Variants in PDE11A observed in about 807,000 individuals in gnomAD.
The protein encoded by PDE11A is phosphodiesterase 11A.
Under a neutral mutation model 100.5 loss-of-function variants are expected in PDE11A, and 100 were observed. That is an observed-to-expected ratio of 1.00 (90% CI 0.85 to 1.18). The LOEUF (loss-of-function observed/expected upper bound fraction) is 1.18. Ranked by LOEUF, PDE11A falls within the 50% of genes most tolerant of loss-of-function variation. The probability of loss-of-function intolerance (pLI) is 0.00; values close to 1 mark genes in which losing one functional copy is unlikely to be tolerated. For missense variants in PDE11A, 1,141 were observed against 1,152.6 expected, an observed-to-expected ratio of 0.99 and a Z score of 0.15; for synonymous variants, 381 against 420.8, an observed-to-expected ratio of 0.91 and a Z score of 1.16.
At chr2:177,822,076 G>C (rs2083149709) in intron 6 of PDE11A, among the ~76,000 whole-genome samples, 1 of 151,756 alleles carries the variant, frequency 6.6e-6, no homozygotes, top group South Asian at 2.1e-4. Flanking sequence ...TTTTGATTCA[G>C]AGGTCCCTAA....
intron 15 of PDE11A, chr2:177,686,614 T>A (rs533307927): frequency 6.6e-6 from 1 of 151,378 alleles, no homozygotes; most frequent in African/African-American, 2.4e-5. Context: ...GGTGGAACCA[T>A]GTATAACACA....
intron 9 of PDE11A, among the ~76,000 whole-genome samples, chr2:177,784,033 T>C (rs1199421639): frequency 1.3e-5 from 2 of 151,956 alleles, no homozygotes; most frequent in South Asian, 2.1e-4. Flanking sequence ...GAGATTTCTA[T>C]GCCTCCAGAT....
upstream of PDE11A, among the ~76,000 whole-genome samples, chr2:178,073,809 A>T (rs184958924): frequency 1.7e-3 from 254 of 152,266 alleles, 2 homozygotes; most frequent in African/African-American, 5.9e-3. Flanking sequence ...CCTATTTTAA[A>T]ATCTCTTTCC....
intron 1 of PDE11A, among the ~76,000 whole-genome samples, chr2:178,047,835 T>C (rs768954047): frequency 4.6e-5 from 7 of 152,204 alleles, no homozygotes; most frequent in Admixed American, 1.3e-4. Context: ...ATGTTATATA[T>C]GGAGATTCTG....
intron 1 of PDE11A, among the ~76,000 whole-genome samples, chr2:178,034,498 T>C (rs2086586011): frequency 6.6e-6 from 1 of 152,134 alleles, no homozygotes; most frequent in African/African-American, 2.4e-5. Context: ...TATTCAGGAC[T>C]TGAACTCGGC....
chr2:178,073,025 CCCTTACCT>C (rs2087159812), upstream of PDE11A: 1 of 985,242 alleles, frequency 1.0e-6, no homozygotes, highest in African/African-American at 1.7e-5. Context: ...GCTTCTTGCT[CCCTTACCT>C]CCCCAACCCT....
chr2:177,910,426 C>CTA lies in PDE11A; in HGVS notation c.1072-5240_1072-5239insTA, dbSNP rs1178063295. On this transcript the variant is annotated intron_variant, in intron 2 of 19. Coordinates refer to ENST00000286063, the MANE Select transcript of PDE11A (RefSeq NM_016953.4). Reference sequence around the variant, plus strand: ...TCTCTCTCTCTGTCTCTCTCTCTCTCTCTATATATATATATATATACACAC... The same window carrying CTA: ...TCTCTCTCTCTGTCTCTCTCTCTCTCTATCTATATATATATATATATACACAC... 1.9e-4 allele frequency among the ~76,000 whole-genome samples: 17 copies of CTA among 87,914 alleles called. No homozygotes were observed. The East Asian group carries it at 3.5e-3, about 18-fold the overall frequency. The allele number at this position is 87,914 out of a possible 152,430, so 57.7% of individuals were successfully genotyped here.
intron 2 of PDE11A, chr2:177,998,713 G>A (rs2086107598): frequency 9.7e-6 from 10 of 1,033,064 alleles, no homozygotes; most frequent in South Asian, 2.6e-5. Context: ...TGGCCCACTC[G>A]CTCCGTGGTA....
intron 17 of PDE11A, among the ~76,000 whole-genome samples, chr2:177,670,195 A>G (rs7578901): frequency 0.81 from 123,278 of 151,916 alleles, 50,778 homozygotes; most frequent in East Asian, 0.98. Flanking sequence ...TTTGAAGAGC[A>G]TGACTTGGTC....
chr2:177,672,220 C>T (rs1224022621), intron 17 of PDE11A, among the ~76,000 whole-genome samples: 4 of 152,340 alleles, frequency 2.6e-5, no homozygotes, highest in African/African-American at 7.2e-5. Flanking sequence ...ACAAATTCTT[C>T]ACAATTATCC....
chr2:177,856,352 T>G (rs1220241641), intron 5 of PDE11A, among the ~76,000 whole-genome samples: 1 of 152,110 alleles, frequency 6.6e-6, no homozygotes. Flanking sequence ...ATTACATTAT[T>G]TAAAACATTC....
At chr2:178,051,687 G>A (rs115574350) in intron 1 of PDE11A, among the ~76,000 whole-genome samples, 44,153 of 151,346 alleles carry the variant, frequency 0.29, 6,558 homozygotes, top group Non-Finnish European at 0.31. Flanking sequence ...GGAAAACAAC[G>A]ACAAAAAAAA....
intron 6 of PDE11A, among the ~76,000 whole-genome samples, chr2:177,821,865 A>G (rs570913216): frequency 2.0e-5 from 3 of 152,020 alleles, no homozygotes; most frequent in African/African-American, 7.2e-5. Flanking sequence ...AACTTTTCAT[A>G]TACTTATCAT....
chr2:177,722,925 ATTAAT>A (rs1419134349), intron 12 of PDE11A, among the ~76,000 whole-genome samples: 1 of 152,212 alleles, frequency 6.6e-6, no homozygotes, highest in East Asian at 1.9e-4. Context: ...ATTACTGTTT[ATTAAT>A]TTATTTCAGT....
intron 2 of PDE11A, among the ~76,000 whole-genome samples, chr2:177,915,916 A>G (rs544263174): frequency 9.7e-4 from 147 of 152,184 alleles, no homozygotes; most frequent in Non-Finnish European, 1.4e-3. Flanking sequence ...GCTTCGCTTC[A>G]TGTCCTCACT....
At chr2:177,957,167 C>T (rs1189478289) in intron 2 of PDE11A, among the ~76,000 whole-genome samples, 2 of 152,048 alleles carry the variant, frequency 1.3e-5, no homozygotes, top group Non-Finnish European at 2.9e-5. Context: ...ATCAACTGCA[C>T]TGGCTTCTCG....
At chr2:177,955,258 GT>G (rs1158641573) in intron 2 of PDE11A, among the ~76,000 whole-genome samples, 1 of 152,144 alleles carries the variant, frequency 6.6e-6, no homozygotes, top group East Asian at 1.9e-4. Flanking sequence ...TAACTTGTTT[GT>G]TTGTTTCCTG....
intron 19 of PDE11A, among the ~76,000 whole-genome samples, chr2:177,644,811 G>T (rs779870959): frequency 2.0e-5 from 3 of 152,166 alleles, no homozygotes; most frequent in Admixed American, 1.3e-4. Flanking sequence ...ATGTGGGCAG[G>T]TCTTTCCCAT....
At chr2:177,694,400 A>G (rs2081081378) in intron 15 of PDE11A, among the ~76,000 whole-genome samples, 1 of 152,236 alleles carries the variant, frequency 6.6e-6, no homozygotes, top group Admixed American at 6.5e-5. Flanking sequence ...CAGACTTTCC[A>G]TAAATCCCAA....
Sources: gnomAD v4.1 joint callset for allele counts (sites outside exome capture counted in the v4.1 genomes callset) on GRCh38, gnomAD v4.1.1 for gene constraint, MANE v1.5 for transcripts, NCBI Gene and HGNC (gene_info 2026-07-23, HGNC 2026-07-21) for gene names.